ZC3H15: variants seen among roughly 807,000 people sequenced by gnomAD.
The protein encoded by ZC3H15 is zinc finger CCCH domain-containing protein 15.
A neutral mutation model predicts 51.2 loss-of-function variants in ZC3H15; 15 were observed. The ratio of observed to expected loss-of-function variants is 0.29; its 90% CI spans 0.20 to 0.45. The LOEUF (loss-of-function observed/expected upper bound fraction) is 0.45. Among genes scored for constraint, ZC3H15 ranks in the 20% least tolerant of loss-of-function variants. The pLI is 1.00. For missense variants in ZC3H15, 381 were observed against 494.7 expected, an observed-to-expected ratio of 0.77 and a Z score of 2.18; for synonymous variants, 144 against 162.8, an observed-to-expected ratio of 0.88 and a Z score of 0.88.
rs747303149 is a variant in ZC3H15, at chr2:186,500,170, G to C, written c.178-12G>C. The C allele has an allele frequency of 1.5e-5, 23 of 1,583,522 alleles. No homozygotes were observed. Among genetic ancestry groups the C allele is most frequent in the Non-Finnish European group, 2.0e-5 (23 of 1,171,474 alleles). ...CAATCAAATTTACATTTTAAACCTG[G>C]GAATATTATAGGTAGCACAGAGTGA... On this transcript the variant is annotated splice_polypyrimidine_tract_variant and intron_variant, in intron 2 of 9. Transcript: ENST00000337859.
At chr2:186,496,204 A>G (rs1053104817) in intron 2 of ZC3H15, among the ~76,000 whole-genome samples, 1 of 152,152 alleles carries the variant, frequency 6.6e-6, no homozygotes, top group Non-Finnish European at 1.5e-5. Flanking sequence ...TTTTATTTTT[A>G]TAGTCTATGT....
chr2:186,491,073 CA>C (rs1685190246), intron 1 of ZC3H15, among the ~76,000 whole-genome samples: 1 of 152,190 alleles, frequency 6.6e-6, no homozygotes, highest in African/African-American at 2.4e-5. Flanking sequence ...TGAACTTCTC[CA>C]AATTGCAAAT....
intron 5 of ZC3H15, among the ~76,000 whole-genome samples, chr2:186,502,792 A>G (rs1685407626): frequency 6.6e-6 from 1 of 152,228 alleles, no homozygotes; most frequent in Non-Finnish European, 1.5e-5. Context: ...CTGAACAAGA[A>G]TAAAACTATG....
At chr2:186,496,237 C>G (rs931676887) in intron 2 of ZC3H15, among the ~76,000 whole-genome samples, 72 of 152,076 alleles carry the variant, frequency 4.7e-4, no homozygotes, top group African/African-American at 1.6e-3. Context: ...TTTTATATAT[C>G]TTAAAGTTCT....
chr2:186,486,566 C>T, intron 1 of ZC3H15, 109 bp downstream of exon 1: 1 of 1,224,698 alleles, frequency 8.2e-7, no homozygotes, highest in Non-Finnish European at 1.1e-6. Context: ...CGTGTTCCTC[C>T]CTTAGGCCTG....
chr2:186,493,052 G>A (rs1422449577), intron 1 of ZC3H15, among the ~76,000 whole-genome samples: 1 of 151,896 alleles, frequency 6.6e-6, no homozygotes, highest in Non-Finnish European at 1.5e-5. Flanking sequence ...GAGCAGAGCG[G>A]TTATGTCTGA....
At chr2:186,500,124 T>C (rs757236850) in intron 2 of ZC3H15, 58 bp from the exon 3 acceptor site, 1 of 1,462,178 alleles carries the variant, frequency 6.8e-7, no homozygotes, top group Non-Finnish European at 9.3e-7. Flanking sequence ...GCTAACTTTG[T>C]AGTAAAAACA....
Position 186,508,922 on chromosome 2 carries a change from G to T in ZC3H15, c.*189G>T. 1 of 655,800 alleles carries T rather than the reference G, an allele frequency of 1.5e-6. No individual in the cohort carries two copies. Among genetic ancestry groups the T allele is most frequent in the Non-Finnish European group, 2.7e-6 (1 of 366,778 alleles). The allele number at this position is 655,800 out of a possible 1,614,324, so 40.6% of individuals were successfully genotyped here. On this transcript the variant is annotated 3_prime_UTR_variant, in exon 10 of 10. Transcript: ENST00000337859. The stretch of plus-strand genomic sequence containing the variant: ...TGACTTTGGCTACATCTCATAGTAA[G>T]TTCAGAGTAGTTCATGATAAATTGA...
chr2:186,486,573 C>T (rs1400573409), intron 1 of ZC3H15, 116 bp downstream of exon 1: 5 of 1,078,768 alleles, frequency 4.6e-6, no homozygotes, highest in Non-Finnish European at 6.4e-6. Context: ...CTCCCTTAGG[C>T]CTGTGTGGCC....
intron 5 of ZC3H15, among the ~76,000 whole-genome samples, 199 bp from the exon 6 acceptor site, chr2:186,503,833 C>T (rs1685425496): frequency 6.6e-6 from 1 of 152,140 alleles, no homozygotes; most frequent in South Asian, 2.1e-4. Flanking sequence ...TGCCATTGTT[C>T]TACATATTTT....
chr2:186,504,038 A>G lies in ZC3H15; in HGVS notation c.541A>G (p.Lys181Glu). The G allele has an allele frequency of 6.3e-7, 1 of 1,592,490 alleles. No homozygotes were observed. The highest frequency in any genetic ancestry group is 1.2e-5 in the South Asian group (1 of 86,934). Residue 181 changes from lysine (K) to glutamate (E), a missense_variant, in exon 6 of 10, where the codon AAG becomes GAG. Physicochemically the swap from Lys to Glu is moderately conservative, Grantham distance 56. Coordinates refer to ENST00000337859, the MANE Select transcript of ZC3H15 (RefSeq NM_018471.3). Reference protein sequence around the residue: ...KKKPKTQIVCKHFLEAIENNK... With the variant: ...KKKPKTQIVCEHFLEAIENNK... Reference sequence around the variant, plus strand: ...AATAATATTGTCTCTATAGGTGTGCAAGCATTTCCTGGAAGCTATTGAAAA... The same window carrying G: ...AATAATATTGTCTCTATAGGTGTGCGAGCATTTCCTGGAAGCTATTGAAAA...
intron 1 of ZC3H15, among the ~76,000 whole-genome samples, chr2:186,488,203 T>C (rs1685136642): frequency 6.6e-6 from 1 of 152,188 alleles, no homozygotes; most frequent in Non-Finnish European, 1.5e-5. Context: ...TTATGTAAAA[T>C]AAAATGTACA....
chr2:186,487,528 T>C (rs1180472771), intron 1 of ZC3H15, among the ~76,000 whole-genome samples: 1 of 152,246 alleles, frequency 6.6e-6, no homozygotes, highest in Non-Finnish European at 1.5e-5. Flanking sequence ...TTGGCCAGGT[T>C]CCAACTTTGG....
intron 1 of ZC3H15, among the ~76,000 whole-genome samples, chr2:186,492,445 A>G (rs1685215613): frequency 6.6e-6 from 1 of 152,216 alleles, no homozygotes. Flanking sequence ...TTTCATACAC[A>G]TAGGCTGTAG....
chr2:186,502,469 G>A (rs1685401780), intron 4 of ZC3H15, 27 bp from the exon 5 acceptor site: 1 of 1,537,838 alleles, frequency 6.5e-7, no homozygotes, highest in Non-Finnish European at 8.9e-7. Context: ...TAAGATTACA[G>A]TATTTAATCT....
chr2:186,499,248 T>C (rs998471751), intron 2 of ZC3H15, among the ~76,000 whole-genome samples: 2 of 152,106 alleles, frequency 1.3e-5, no homozygotes, highest in Non-Finnish European at 2.9e-5. Context: ...TCTACAAAAC[T>C]TGCCCTCTTG....
At chr2:186,507,805 C>T (rs556185877) in intron 9 of ZC3H15, among the ~76,000 whole-genome samples, 10 of 152,270 alleles carry the variant, frequency 6.6e-5, no homozygotes, top group African/African-American at 2.2e-4. Context: ...CACTATCTTG[C>T]CAGTATTCAG....
At chr2:186,506,991 G>A (rs545728054) in intron 9 of ZC3H15, among the ~76,000 whole-genome samples, 155 bp downstream of exon 9, 1 of 152,268 alleles carries the variant, frequency 6.6e-6, no homozygotes, top group East Asian at 1.9e-4. Flanking sequence ...ATAGTGAAAG[G>A]CTGTAGACAT....
chr2:186,508,900 CTT>C lies in ZC3H15; in HGVS notation c.*169_*170del, dbSNP rs761205567. The C allele has an allele frequency of 1.3e-5, 9 of 702,348 alleles. No homozygotes were observed. Among genetic ancestry groups the C allele is most frequent in the Non-Finnish European group, 1.9e-5 (8 of 415,058 alleles). 43.5% of individuals were successfully genotyped at this position (702,348 alleles called of 1,614,324 possible). A position where few individuals can be genotyped will look rare whatever the true frequency, so the allele number is the denominator to read the frequency against. ...CTTGTCCCTACATCTTCTCTTCTGA[CTT>C]TGGCTACATCTCATAGTAAGTTCAG... On this transcript the variant is annotated 3_prime_UTR_variant, in exon 10 of 10. Transcript: ENST00000337859.
Sources: gnomAD v4.1 joint callset for allele counts (sites outside exome capture counted in the v4.1 genomes callset) on GRCh38, gnomAD v4.1.1 for gene constraint, MANE v1.5 for transcripts, NCBI Gene and HGNC (gene_info 2026-07-23, HGNC 2026-07-21) for gene names.